The following SLC7A2 variants were observed in gnomAD, a reference collection of about 807,000 sequenced individuals.
SLC7A2 encodes the protein solute carrier family 7 member 2, also known as cationic amino acid transporter 2.
In SLC7A2, 48 loss-of-function variants were observed where a neutral mutation model predicts 58.9. That is an observed-to-expected ratio of 0.82 (90% CI 0.65 to 1.04). The LOEUF is 1.04. Among genes scored for constraint, SLC7A2 ranks in the 50% least tolerant of loss-of-function variants. The pLI, the probability that SLC7A2 is intolerant of heterozygous loss-of-function variation, is 0.00. For missense variants in SLC7A2, 1,029 were observed against 818.8 expected (o/e 1.26, Z -3.13); for synonymous variants, 363 against 314.5 (o/e 1.15, Z -1.63).
chr8:17,548,705 C>T lies in SLC7A2; in HGVS notation c.560C>T (p.Ser187Phe), dbSNP rs1424261793. 1.2e-6 allele frequency: 2 copies of T among 1,611,716 alleles called. No homozygotes were observed. Among genetic ancestry groups the T allele is most frequent in the Admixed American group, 1.7e-5 (1 of 59,702 alleles). The change falls in exon 5 of 13, where the codon TCT becomes TTT. Residue 187 changes from serine to phenylalanine, a missense_variant. Ser to Phe is a radical substitution (Grantham distance 155). Transcript: ENST00000494857. ...CTTTTGTCTTTTGGAGTAAAAGAGT[C>T]TGCTTGGGTGAATAAAGTCTTCACA... ...AGLLSFGVKE[S>F]AWVNKVFTAV... is the part of the protein sequence containing the mutation.
intron 2 of SLC7A2, among the ~76,000 whole-genome samples, chr8:17,506,295 T>G (rs1334026371): frequency 6.6e-6 from 1 of 152,238 alleles, no homozygotes; most frequent in Non-Finnish European, 1.5e-5. Context: ...GAATTTCATT[T>G]TTATAACAAA....
At chr8:17,564,879 C>A in intron 12 of SLC7A2, 71 bp from the exon 13 acceptor site, 2 of 1,249,808 alleles carry the variant, frequency 1.6e-6, no homozygotes, top group Non-Finnish European at 2.2e-6. Flanking sequence ...CTACATTTTC[C>A]ACCTCAATAA....
At position 17,542,508 on chromosome 8, in the gene SLC7A2, G is replaced by A. The variant is rs548380165; in HGVS notation, c.-22-810G>A. ...TCTACGAAAAATAAAGAAGTTACCC[G>A]AGCGTGGTGGCACATGCCTGTGGTC... On this transcript the variant is annotated intron_variant, in intron 2 of 12. Coordinates refer to ENST00000494857, the MANE Select transcript of SLC7A2 (RefSeq NM_001370338.1). 1.2e-3 allele frequency among the ~76,000 whole-genome samples: 189 copies of A among 152,172 alleles called. 1 individual carries two copies. Among genetic ancestry groups the A allele is most frequent in the African/African-American group, 4.4e-3 (183 of 41,528 alleles).
intron 2 of SLC7A2, among the ~76,000 whole-genome samples, chr8:17,512,499 A>G (rs940191264): frequency 5.6e-4 from 86 of 152,294 alleles, no homozygotes; most frequent in African/African-American, 2.0e-3. Flanking sequence ...CTGAGGCAAG[A>G]TCGTGCTACT....
intron 2 of SLC7A2, chr8:17,538,897 C>G: frequency 6.2e-7 from 1 of 1,613,734 alleles, no homozygotes; most frequent in Non-Finnish European, 8.5e-7. Flanking sequence ...ACCTGCCCCA[C>G]CGGTTTGCGA....
At chr8:17,562,198 T>TTTTTTC (rs1803044266) in intron 11 of SLC7A2, 88 bp downstream of exon 11, 1 of 149,824 alleles carries the variant, frequency 6.7e-6, no homozygotes, top group Admixed American at 1.4e-4. Context: ...TTTTTTTTTT[T>TTTTTTC]TTTTTTTTTT....
chr8:17,565,713 G>A lies in SLC7A2; in HGVS notation c.*567G>A, dbSNP rs1236691459. On this transcript the variant is annotated 3_prime_UTR_variant, in exon 13 of 13. Coordinates refer to ENST00000494857, the MANE Select transcript of SLC7A2 (RefSeq NM_001370338.1). ...GATAAGGAAAGAGACTTTTCAATAAGTTGTGAATGCCAACAGTGGGTTTAA... is the reference window on the plus strand; with the variant it reads ...GATAAGGAAAGAGACTTTTCAATAAATTGTGAATGCCAACAGTGGGTTTAA... The A allele has an allele frequency of 6.6e-6, 1 of 152,390 alleles. No homozygotes were observed. The highest frequency in any genetic ancestry group is 1.9e-4 in the East Asian group (1 of 5,198). 9.4% of individuals were successfully genotyped at this position (152,390 alleles called of 1,614,324 possible).
At position 17,505,028 on chromosome 8, in the gene SLC7A2, G is replaced by A. The variant is rs1327809889; in HGVS notation, c.-23+2726G>A. Among the ~76,000 whole-genome samples, 3 of 152,112 alleles carry A rather than the reference G, an allele frequency of 2.0e-5. No individual in the cohort carries two copies. The East Asian group carries it at 5.8e-4, about 29-fold the overall frequency. On this transcript the variant is annotated intron_variant, in intron 2 of 12. Coordinates refer to ENST00000494857, the MANE Select transcript of SLC7A2 (RefSeq NM_001370338.1). ...TGTTCTGTGCAGCAGTGGCTCCCTT[G>A]ATGTTTTAGGGGAGTTAAGGAAATT...
At chr8:17,530,078 C>T (rs1246379848) in intron 2 of SLC7A2, among the ~76,000 whole-genome samples, 7 of 152,076 alleles carry the variant, frequency 4.6e-5, no homozygotes, top group Non-Finnish European at 7.4e-5. Flanking sequence ...GGTGAATGAG[C>T]GGGAGGTTCT....
chr8:17,524,853 A>G (rs777122724), intron 2 of SLC7A2, among the ~76,000 whole-genome samples: 1 of 151,942 alleles, frequency 6.6e-6, no homozygotes, highest in African/African-American at 2.4e-5. Context: ...CCAGTGTGCA[A>G]TCAGGAGCAA....
intron 2 of SLC7A2, among the ~76,000 whole-genome samples, chr8:17,535,728 C>A (rs35343250): frequency 6.6e-6 from 1 of 151,626 alleles, no homozygotes; most frequent in Non-Finnish European, 1.5e-5. Flanking sequence ...CATGGTGAAA[C>A]CCTGTCTCTA....
upstream of SLC7A2, among the ~76,000 whole-genome samples, chr8:17,496,035 T>A (rs1035022182): frequency 1.3e-5 from 2 of 152,234 alleles, no homozygotes; most frequent in Admixed American, 6.5e-5. Context: ...GAGGCAGCAA[T>A]ACAAATCTGG....
At chr8:17,563,829 T>C (rs779969160) in intron 12 of SLC7A2, 118 bp downstream of exon 12, 65 of 668,642 alleles carry the variant, frequency 9.7e-5, no homozygotes, top group Non-Finnish European at 1.5e-4. Context: ...CTTTCCTAAT[T>C]CTTAGGGATG....
At chr8:17,505,910 C>T (rs971859890) in intron 2 of SLC7A2, among the ~76,000 whole-genome samples, 1 of 152,186 alleles carries the variant, frequency 6.6e-6, no homozygotes, top group Non-Finnish European at 1.5e-5. Context: ...AAATAACTAA[C>T]CCATAGCGTT....
chr8:17,541,100 C>G (rs1801893258), intron 2 of SLC7A2, among the ~76,000 whole-genome samples: 1 of 152,108 alleles, frequency 6.6e-6, no homozygotes, highest in Non-Finnish European at 1.5e-5. Context: ...TTTCTGAGCA[C>G]TTTTCAGTTG....
chr8:17,547,346 A>T (rs1452242658), intron 4 of SLC7A2, among the ~76,000 whole-genome samples: 2 of 152,088 alleles, frequency 1.3e-5, no homozygotes, highest in East Asian at 3.9e-4. Context: ...AACAGCACAG[A>T]AAACCTGCCC....
At chr8:17,538,894 C>T in intron 2 of SLC7A2, 1 of 1,613,760 alleles carries the variant, frequency 6.2e-7, no homozygotes, top group Non-Finnish European at 8.5e-7. Flanking sequence ...AACACCTGCC[C>T]CACCGGTTTG....
chr8:17,521,712 C>T (rs1858715), intron 2 of SLC7A2, among the ~76,000 whole-genome samples: 120,072 of 152,164 alleles, frequency 0.79, 47,717 homozygotes, highest in South Asian at 0.87. Context: ...TATGCTTGGC[C>T]AAGGAGGAAA....
intron 2 of SLC7A2, among the ~76,000 whole-genome samples, chr8:17,531,538 C>T (rs976287195): frequency 1.3e-5 from 2 of 152,004 alleles, no homozygotes; most frequent in Non-Finnish European, 2.9e-5. Flanking sequence ...CTACTTTTCA[C>T]ACTTTATTTA....
Sources: gnomAD v4.1 joint callset for allele counts (sites outside exome capture counted in the v4.1 genomes callset) on GRCh38, gnomAD v4.1.1 for gene constraint, MANE v1.5 for transcripts, NCBI Gene and HGNC (gene_info 2026-07-23, HGNC 2026-07-21) for gene names.